Variants in CCDC61 observed in about 807,000 individuals in gnomAD.
CCDC61 encodes centrosomal protein CCDC61.
In CCDC61, 55 loss-of-function variants were observed where a neutral mutation model predicts 63.0. The ratio of observed to expected loss-of-function variants is 0.87; its 90% CI spans 0.70 to 1.09. The LOEUF is 1.09. CCDC61 is among the 50% of genes least tolerant of loss of function. The pLI, the probability that CCDC61 is intolerant of heterozygous loss-of-function variation, is 0.00. For missense variants in CCDC61, 651 were observed against 731.4 expected (o/e 0.89, Z 1.27); for synonymous variants, 270 against 317.0 (o/e 0.85, Z 1.58).
chr19:46,016,799 C>T lies in CCDC61; in HGVS notation c.1197C>T (p.Asp399=), dbSNP rs1017230484. The part of the protein sequence containing the change: ...QPPAALTGRG[D]APNRSRNRSS... Reference sequence around the variant, plus strand: ...CTGCTGCCTTGACTGGCCGAGGGGACGCCCCTAACCGCTCCCGAAACCGCA... The same window carrying T: ...CTGCTGCCTTGACTGGCCGAGGGGATGCCCCTAACCGCTCCCGAAACCGCA... The change falls in exon 10 of 14, where the codon GAC becomes GAT. Residue 399 remains aspartate (D), a synonymous_variant. Coordinates refer to ENST00000595358, the MANE Select transcript of CCDC61 (RefSeq NM_001267723.2). This position sits in a 1 kb window ranked among gnomAD's most constrained non-coding sequence, Gnocchi z 7.2. The T allele has an allele frequency of 3.3e-6, 5 of 1,525,682 alleles. No homozygotes were observed. The Admixed American group carries it at 6.5e-5, about 20-fold the overall frequency. The allele number at this position is 1,525,682 out of a possible 1,614,324, so 94.5% of individuals were successfully genotyped here.
chr19:45,997,356 T>C (rs1968512283), intron 1 of CCDC61, among the ~76,000 whole-genome samples: 1 of 152,186 alleles, frequency 6.6e-6, no homozygotes, highest in Non-Finnish European at 1.5e-5. Context: ...CACTTGGCTT[T>C]ATTTTTCTTC....
intron 4 of CCDC61, among the ~76,000 whole-genome samples, chr19:46,007,576 A>G (rs191386991): frequency 6.6e-6 from 1 of 152,288 alleles, no homozygotes; most frequent in Admixed American, 6.5e-5. Flanking sequence ...GGGAAAATGA[A>G]TATCTGGCTT....
chr19:45,996,316 T>G (rs1004501777), intron 1 of CCDC61: 1 of 152,314 alleles, frequency 6.6e-6, no homozygotes, highest in Non-Finnish European at 1.5e-5. Flanking sequence ...TCATCTGACA[T>G]TCAGACATAA....
chr19:45,995,935 T>C (rs542254234), intron 1 of CCDC61, among the ~76,000 whole-genome samples: 1 of 152,314 alleles, frequency 6.6e-6, no homozygotes, highest in African/African-American at 2.4e-5. Context: ...GATGAGCATG[T>C]ACTTTAAAGA....
At chr19:46,003,397 A>G (rs752830122) in intron 2 of CCDC61, 22 bp from the exon 3 acceptor site, 6 of 1,607,538 alleles carry the variant, frequency 3.7e-6, no homozygotes, top group Middle Eastern at 3.3e-4. Context: ...AGACCTCAGG[A>G]GAGACTTTTC....
chr19:46,018,464 T>G lies in CCDC61; in HGVS notation c.*77T>G. ...TGTGGGGGGTGGGGCCAGGGTGGCC[T>G]CCAGCCCTGCCCAGTCCCTGCCCTG... On this transcript the variant is annotated 3_prime_UTR_variant, in exon 14 of 14. Coordinates refer to ENST00000595358, the MANE Select transcript of CCDC61 (RefSeq NM_001267723.2). This position sits in a 1 kb window ranked among gnomAD's most constrained non-coding sequence, Gnocchi z 4.2. The G allele has an allele frequency of 8.2e-7, 1 of 1,226,128 alleles. No individual in the cohort carries two copies. The highest frequency in any genetic ancestry group is 1.2e-6 in the Non-Finnish European group (1 of 862,372). The allele number at this position is 1,226,128 out of a possible 1,614,324, so 76.0% of individuals were successfully genotyped here.
rs1568699506 is a variant in CCDC61 at position 46,018,224 on chromosome 19, T to C, written c.1442-66T>C. 6.5e-7 allele frequency: 1 copy of C among 1,548,336 alleles called. No individual in the cohort carries two copies. Reference sequence around the variant, plus strand: ...AATGGTAGTGCGGGCAGTGGTATATTGGGCCCAGGAACTCCCTGGGGCTTC... The same window carrying C: ...AATGGTAGTGCGGGCAGTGGTATATCGGGCCCAGGAACTCCCTGGGGCTTC... On this transcript the variant is annotated intron_variant, in intron 13 of 13. Coordinates refer to ENST00000595358, the MANE Select transcript of CCDC61 (RefSeq NM_001267723.2). This position sits in a 1 kb window ranked among gnomAD's most constrained non-coding sequence, Gnocchi z 4.2.
chr19:46,008,071 A>G, intron 4 of CCDC61, 69 bp from the exon 5 acceptor site: 1 of 1,475,644 alleles, frequency 6.8e-7, no homozygotes, highest in Non-Finnish European at 9.1e-7. Context: ...TGGCTCTCAG[A>G]GGCTGCTGTT....
chr19:45,995,489 G>C lies in CCDC61; in HGVS notation c.-27G>C, dbSNP rs1874402854. 7.6e-6 allele frequency: 4 copies of C among 529,718 alleles called. No individual in the cohort carries two copies. The highest frequency in any genetic ancestry group is 7.8e-6 in the Non-Finnish European group (2 of 257,988). The allele number at this position is 529,718 out of a possible 1,614,324, so 32.8% of individuals were successfully genotyped here. A position where few individuals can be genotyped will look rare whatever the true frequency, so the allele number is the denominator to read the frequency against. On this transcript the variant is annotated 5_prime_UTR_variant, in exon 1 of 14. Coordinates refer to ENST00000595358, the MANE Select transcript of CCDC61 (RefSeq NM_001267723.2). The stretch of plus-strand genomic sequence containing the variant: ...GTCAGTTGAACCGCTCGCGAGGAGG[G>C]TTGCTAGTGGAGAAGGTGAGAGGCC...
chr19:46,009,532 C>T (rs1600648863), intron 5 of CCDC61, among the ~76,000 whole-genome samples: 1 of 152,256 alleles, frequency 6.6e-6, no homozygotes, highest in East Asian at 1.9e-4. Flanking sequence ...GGGAACTTGG[C>T]GCAGGTCACA....
intron 11 of CCDC61, 30 bp from the exon 12 acceptor site, chr19:46,017,217 C>T (rs1968961797): frequency 6.4e-7 from 1 of 1,555,928 alleles, no homozygotes; most frequent in Non-Finnish European, 8.7e-7. Flanking sequence ...GCCTCCCCAC[C>T]ACTGGTCCTT....
At position 46,008,270 on chromosome 19, in the gene CCDC61, C is replaced by T. The variant is rs200177760; in HGVS notation, c.520C>T (p.Arg174Trp). 287 of 1,378,226 alleles carry T rather than the reference C, an allele frequency of 2.1e-4. 1 individual carries two copies. The African/African-American group carries it at 3.6e-3, about 17-fold the overall frequency. The allele number at this position is 1,378,226 out of a possible 1,614,324, so 85.4% of individuals were successfully genotyped here. A position where few individuals can be genotyped will look rare whatever the true frequency, so the allele number is the denominator to read the frequency against. The stretch of plus-strand genomic sequence containing the variant: ...GGATGGCCAGAACACTCGGGACACC[C>T]GGGAGAATGAGATCTGGCATCTGCG... Reference protein sequence around the residue: ...GLDGQNTRDTRENEIWHLREQ... With the variant: ...GLDGQNTRDTWENEIWHLREQ... Residue 174 changes from arginine (R) to tryptophan (W), a missense_variant, in exon 5 of 14, where the codon CGG becomes TGG. Coordinates refer to ENST00000595358, the MANE Select transcript of CCDC61 (RefSeq NM_001267723.2).
chr19:46,013,054 C>T (rs1165435817), intron 5 of CCDC61, among the ~76,000 whole-genome samples: 3 of 152,012 alleles, frequency 2.0e-5, no homozygotes, highest in Non-Finnish European at 4.4e-5. Flanking sequence ...TTCTGTCCCC[C>T]AAGCTGGAGT....
chr19:46,009,035 A>C (rs1414632542), intron 5 of CCDC61, among the ~76,000 whole-genome samples: 1 of 152,088 alleles, frequency 6.6e-6, no homozygotes, highest in Non-Finnish European at 1.5e-5. Context: ...TAAGTATATA[A>C]CCACTTGAGT....
intron 1 of CCDC61, among the ~76,000 whole-genome samples, chr19:45,999,287 C>T (rs373091252): frequency 9.4e-5 from 14 of 149,332 alleles, no homozygotes; most frequent in African/African-American, 3.5e-4. Flanking sequence ...TCTATGGGGA[C>T]AATGTGGAAG....
chr19:46,007,144 G>T (rs1488930207), intron 4 of CCDC61, among the ~76,000 whole-genome samples: 1 of 151,572 alleles, frequency 6.6e-6, no homozygotes, highest in Non-Finnish European at 1.5e-5. Context: ...TCCCTCCCAG[G>T]TTCAAGCAAT....
chr19:46,005,172 G>A (rs553104123), intron 3 of CCDC61, among the ~76,000 whole-genome samples: 7 of 151,982 alleles, frequency 4.6e-5, no homozygotes, highest in South Asian at 2.1e-4. Context: ...CATCATGCCC[G>A]GCTAATTTTG....
intron 5 of CCDC61, among the ~76,000 whole-genome samples, chr19:46,014,540 CT>C (rs1968887323): frequency 6.6e-6 from 1 of 152,112 alleles, no homozygotes; most frequent in African/African-American, 2.4e-5. Flanking sequence ...GTTATTTCCA[CT>C]CTTTTGCTAT....
chr19:46,006,479 T>C, intron 3 of CCDC61, 80 bp from the exon 4 acceptor site: 1 of 1,354,366 alleles, frequency 7.4e-7, no homozygotes, highest in Non-Finnish European at 9.8e-7. Flanking sequence ...CGGGAAGGGC[T>C]GTGGCCCAGG....
Sources: gnomAD v4.1 joint callset for allele counts (sites outside exome capture counted in the v4.1 genomes callset) on GRCh38, gnomAD v4.1.1 for gene constraint, Gnocchi (gnomAD v3.1) non-coding constraint, MANE v1.5 for transcripts, NCBI Gene and HGNC (gene_info 2026-07-23, HGNC 2026-07-21) for gene names.